Variants in TTC3 observed in about 807,000 individuals in gnomAD.
TTC3 encodes the protein tetratricopeptide repeat domain 3, also known as E3 ubiquitin-protein ligase TTC3.
A neutral mutation model predicts 249.6 loss-of-function variants in TTC3; 180 were observed. The observed-to-expected ratio is 0.72, with a 90% CI of 0.64 to 0.82. The LOEUF (loss-of-function observed/expected upper bound fraction) is 0.82, where lower values mean the gene tolerates loss of function less well. Ranked by LOEUF, TTC3 falls within the 40% of genes least tolerant of loss-of-function variation. The pLI, the probability that TTC3 is intolerant of heterozygous loss-of-function variation, is 0.00. For missense variants in TTC3, 2,061 were observed against 2,398.4 expected (o/e 0.86, Z 2.94); for synonymous variants, 717 against 805.0 (o/e 0.89, Z 1.85).
chr21:37,119,996 G>T (rs2076455842), intron 11 of TTC3, among the ~76,000 whole-genome samples: 1 of 152,180 alleles, frequency 6.6e-6, no homozygotes, highest in Non-Finnish European at 1.5e-5. Context: ...TGAGTCATGT[G>T]CCCACCTGTG....
chr21:37,135,355 C>T, intron 17 of TTC3, 25 bp from the exon 18 acceptor site: 1 of 1,592,224 alleles, frequency 6.3e-7, no homozygotes. Context: ...ATTCAGGTTA[C>T]TGAAATAGAA....
chr21:37,078,508 A>G (rs1179897070), intron 1 of TTC3, among the ~76,000 whole-genome samples: 2 of 151,962 alleles, frequency 1.3e-5, no homozygotes, highest in East Asian at 3.8e-4. Flanking sequence ...CCACTTTTTC[A>G]TATGTTAATT....
intron 39 of TTC3, among the ~76,000 whole-genome samples, chr21:37,190,672 A>G (rs1468168052): frequency 6.6e-6 from 1 of 152,164 alleles, no homozygotes; most frequent in Non-Finnish European, 1.5e-5. Context: ...GTATACAAAG[A>G]TTCTTTCTTC....
chr21:37,172,131 A>G (rs1031604598), intron 34 of TTC3, among the ~76,000 whole-genome samples: 3 of 152,240 alleles, frequency 2.0e-5, no homozygotes, highest in Non-Finnish European at 4.4e-5. Flanking sequence ...TAATTCATAG[A>G]TAATATTTTA....
chr21:37,099,456 C>T (rs1483101783), intron 10 of TTC3, among the ~76,000 whole-genome samples: 1 of 152,030 alleles, frequency 6.6e-6, no homozygotes, highest in Non-Finnish European at 1.5e-5. Flanking sequence ...TGTAGAGTCT[C>T]TACTATTAAT....
chr21:37,119,840 G>A (rs2076444142), intron 11 of TTC3, among the ~76,000 whole-genome samples: 1 of 151,942 alleles, frequency 6.6e-6, no homozygotes, highest in African/African-American at 2.4e-5. Context: ...GAGTGTAGGC[G>A]CTCTTGGTTT....
chr21:37,191,266 GTTTA>G, intron 39 of TTC3, 64 bp from the exon 40 acceptor site: 1 of 1,077,482 alleles, frequency 9.3e-7, no homozygotes, highest in Non-Finnish European at 1.3e-6. Context: ...ATGTTTAGAT[GTTTA>G]TTTGACCGTA....
chr21:37,086,108 GTTA>G (rs1275148308), intron 1 of TTC3: 1 of 152,218 alleles, frequency 6.6e-6, no homozygotes, highest in African/African-American at 2.4e-5. Flanking sequence ...TAGGAAGATT[GTTA>G]TTATTCTTCA....
chr21:37,167,527 T>G, intron 33 of TTC3, 28 bp from the exon 34 acceptor site: 3 of 1,406,184 alleles, frequency 2.1e-6, no homozygotes, highest in Non-Finnish European at 2.8e-6. Flanking sequence ...TGAGATAAAG[T>G]GAATTTTATT....
intron 10 of TTC3, among the ~76,000 whole-genome samples, chr21:37,102,849 T>G (rs1032545072): frequency 5.3e-5 from 8 of 151,898 alleles, no homozygotes; most frequent in African/African-American, 1.9e-4. Context: ...ATACAAAAAT[T>G]AGGTGGGCAT....
intron 38 of TTC3, 89 bp downstream of exon 38, chr21:37,187,234 T>A: frequency 1.0e-6 from 1 of 960,446 alleles, no homozygotes; most frequent in Non-Finnish European, 1.6e-6. Context: ...CAGACATTAC[T>A]GAAAAGTGTG....
At chr21:37,120,664 A>G (rs914049195) in intron 11 of TTC3, among the ~76,000 whole-genome samples, 2 of 152,162 alleles carry the variant, frequency 1.3e-5, no homozygotes, top group African/African-American at 4.8e-5. Flanking sequence ...TTGGAGTCTG[A>G]GCTAAGCCCA....
At chr21:37,100,253 G>A (rs900076779) in intron 10 of TTC3, among the ~76,000 whole-genome samples, 1 of 152,096 alleles carries the variant, frequency 6.6e-6, no homozygotes, top group Non-Finnish European at 1.5e-5. Context: ...ATTGGTACAT[G>A]GGTGTTCATT....
Position 37,081,368 on chromosome 21 carries a change from A to G in TTC3, c.-11-5879A>G, listed in dbSNP as rs140060120. On this transcript the variant is annotated intron_variant, in intron 1 of 45. Transcript: ENST00000355666. ...CTTGACCTCGTGATCTGTCCGCCTC[A>G]GCCTCCCAAAGTGCTGGGATTACAG... Among the ~76,000 whole-genome samples, 491 of 152,040 alleles carry G rather than the reference A, an allele frequency of 3.2e-3. 9 individuals carry two copies. The highest frequency in any genetic ancestry group is 0.026 in the Admixed American group (398 of 15,278).
Position 37,171,680 on chromosome 21 carries a change from C to T in TTC3, c.4468-915C>T, listed in dbSNP as rs978273510. On this transcript the variant is annotated intron_variant, in intron 34 of 45. Coordinates refer to ENST00000355666, the Ensembl canonical transcript of TTC3. ...TGACTGTTTAATTAATTTAGTTAAG[C>T]ATGGACTCTATTTATAGTACTAAAC... 6.6e-5 allele frequency among the ~76,000 whole-genome samples: 10 copies of T among 152,282 alleles called. No homozygotes were observed. In the South Asian group the frequency reaches 1.9e-3, roughly 28 times the overall value.
intron 13 of TTC3, among the ~76,000 whole-genome samples, chr21:37,124,112 CTTTTTTTTT>C (rs60916518): frequency 6.5e-5 from 4 of 61,272 alleles, no homozygotes; most frequent in Admixed American, 3.1e-4. Flanking sequence ...TTGAACTGTT[CTTTTTTTTT>C]TTTTTTTTTT....
At chr21:37,141,975 A>T (rs890674357) in intron 20 of TTC3, among the ~76,000 whole-genome samples, 40 of 152,366 alleles carry the variant, frequency 2.6e-4, no homozygotes, top group Middle Eastern at 3.4e-3. Flanking sequence ...GTAATCCAGC[A>T]TATAAACAGA....
chr21:37,153,298 G>C lies in TTC3; in HGVS notation c.2740+21G>C, dbSNP rs370768314. 4.4e-6 allele frequency: 7 copies of C among 1,585,926 alleles called. No individual in the cohort carries two copies. The African/African-American group carries it at 9.5e-5, about 22-fold the overall frequency. On this transcript the variant is annotated intron_variant, in intron 27 of 45. Coordinates refer to ENST00000355666, the Ensembl canonical transcript of TTC3. ...CTTTGGTATGTCCCTTTATATTCCA[G>C]AGCAATAAACTTTAATACGAAGGGG...
chr21:37,181,375 G>A (rs1370484075), intron 35 of TTC3, among the ~76,000 whole-genome samples: 4 of 152,232 alleles, frequency 2.6e-5, no homozygotes, highest in African/African-American at 4.8e-5. Flanking sequence ...AGGAGCACAG[G>A]ATAGGTGAGA....
Sources: allele counts gnomAD v4.1 joint callset (sites outside exome capture counted in the v4.1 genomes callset), GRCh38; gene constraint gnomAD v4.1.1; transcripts MANE v1.5; gene names NCBI Gene and HGNC (gene_info 2026-07-23, HGNC 2026-07-21).